Variants in EFCAB5 observed in about 807,000 individuals in gnomAD.
The protein encoded by EFCAB5 is EF-hand calcium-binding domain-containing protein 5.
Under a neutral mutation model 167.9 loss-of-function variants are expected in EFCAB5, and 131 were observed. The observed-to-expected ratio is 0.78, with a 90% CI of 0.68 to 0.90. The LOEUF (loss-of-function observed/expected upper bound fraction) is 0.90. EFCAB5 is among the 40% of genes least tolerant of loss of function. EFCAB5 has a pLI of 0.00. For missense variants in EFCAB5, 1,663 were observed against 1,745.2 expected (o/e 0.95, Z 0.84); for synonymous variants, 574 against 602.8 (o/e 0.95, Z 0.70).
chr17:30,091,883 T>A lies in EFCAB5; in HGVS notation c.3950T>A (p.Val1317Asp). 1 of 1,613,674 alleles carries A rather than the reference T, an allele frequency of 6.2e-7. No homozygotes were observed. Among genetic ancestry groups the A allele is most frequent in the Non-Finnish European group, 8.5e-7 (1 of 1,179,586 alleles). Residue 1317 changes from valine (V) to aspartate (D), a missense_variant, in exon 21 of 23, where the codon GTC becomes GAC. By Grantham distance (152) the Val-to-Asp change is radical. Transcript: ENST00000394835. ...TTTGTTATTCCAGAGATTGAAAATG[T>A]CAGGGAAGTCCAGCGGGCAGGAATT... ...KKKYILEIEN[V>D]REVQRAGILF...
At chr17:30,071,622 A>G (rs761393830) in intron 14 of EFCAB5, among the ~76,000 whole-genome samples, 1 of 152,178 alleles carries the variant, frequency 6.6e-6, no homozygotes. Flanking sequence ...CAGAACTACC[A>G]TATGATCTAA....
chr17:30,078,881 G>A (rs1394668706), intron 15 of EFCAB5, among the ~76,000 whole-genome samples: 1 of 152,210 alleles, frequency 6.6e-6, no homozygotes, highest in Non-Finnish European at 1.5e-5. Flanking sequence ...TATTTTGGGA[G>A]TCAGTTTTAA....
intron 1 of EFCAB5, among the ~76,000 whole-genome samples, chr17:29,930,766 C>T (rs1324496880): frequency 6.6e-6 from 1 of 152,004 alleles, no homozygotes. Context: ...CCGTTTGATA[C>T]CCTGGAAAGG....
intron 4 of EFCAB5, among the ~76,000 whole-genome samples, chr17:29,987,282 T>A (rs2068308248): frequency 6.6e-6 from 1 of 152,202 alleles, no homozygotes; most frequent in Non-Finnish European, 1.5e-5. Context: ...TCAGTCTTGA[T>A]ATGTCTGCAA....
At chr17:30,038,464 G>A (rs766352253) in intron 8 of EFCAB5, among the ~76,000 whole-genome samples, 9 of 152,132 alleles carry the variant, frequency 5.9e-5, no homozygotes, top group South Asian at 4.1e-4. Flanking sequence ...ATTGAGATGC[G>A]CCTGGTTAAC....
At chr17:30,064,108 T>A (rs1331724575) in intron 14 of EFCAB5, among the ~76,000 whole-genome samples, 1 of 151,958 alleles carries the variant, frequency 6.6e-6, no homozygotes, top group Non-Finnish European at 1.5e-5. Context: ...ACAAGAAACA[T>A]GATAAAGCAA....
At chr17:29,998,706 T>A (rs1195460524) in intron 6 of EFCAB5, among the ~76,000 whole-genome samples, 1 of 152,196 alleles carries the variant, frequency 6.6e-6, no homozygotes, top group African/African-American at 2.4e-5. Context: ...TAATTAGCAC[T>A]TACCAAATTC....
intron 7 of EFCAB5, among the ~76,000 whole-genome samples, chr17:30,025,611 C>T (rs889771727): frequency 1.1e-4 from 17 of 152,122 alleles, no homozygotes; most frequent in Non-Finnish European, 4.4e-5. Context: ...GTCAGTGTGG[C>T]GATTCCTCAG....
At chr17:30,021,465 T>C (rs1311785586) in intron 7 of EFCAB5, among the ~76,000 whole-genome samples, 1 of 148,222 alleles carries the variant, frequency 6.7e-6, no homozygotes, top group East Asian at 1.9e-4. Context: ...ATATATATAA[T>C]ACATGTATAT....
chr17:30,046,184 T>C (rs2069923294), intron 8 of EFCAB5, among the ~76,000 whole-genome samples: 1 of 152,234 alleles, frequency 6.6e-6, no homozygotes, highest in African/African-American at 2.4e-5. Flanking sequence ...TTTATCTGAG[T>C]GGCAAACATT....
chr17:30,064,058 A>G (rs9890886), intron 14 of EFCAB5, among the ~76,000 whole-genome samples: 92,876 of 152,026 alleles, frequency 0.61, 30,328 homozygotes, highest in African/African-American at 0.85. Context: ...ATTGGAAGAG[A>G]CAATTGTTCC....
chr17:30,019,447 C>CT (rs763717475), intron 7 of EFCAB5, among the ~76,000 whole-genome samples: 5,984 of 140,384 alleles, frequency 0.043, 260 homozygotes, highest in African/African-American at 0.12. Flanking sequence ...CTCCCTCTCT[C>CT]TTTTTTTTTT....
chr17:29,940,491 C>G (rs1319664807), upstream of EFCAB5, among the ~76,000 whole-genome samples: 1 of 152,110 alleles, frequency 6.6e-6, no homozygotes. Flanking sequence ...TGAGTGCATC[C>G]AAACCAAATA....
intron 3 of EFCAB5, among the ~76,000 whole-genome samples, chr17:29,964,582 C>T (rs138611040): frequency 1.4e-3 from 220 of 152,224 alleles, no homozygotes; most frequent in African/African-American, 5.1e-3. Flanking sequence ...TGTGAGCCAC[C>T]GCGCCCAGCT....
At chr17:30,026,658 C>T (rs928725776) in intron 7 of EFCAB5, among the ~76,000 whole-genome samples, 1 of 152,128 alleles carries the variant, frequency 6.6e-6, no homozygotes, top group Non-Finnish European at 1.5e-5. Flanking sequence ...AAGGTCCATA[C>T]AGAATTCTCT....
At chr17:29,938,666 C>T (rs2067265026), upstream of EFCAB5, among the ~76,000 whole-genome samples, 1 of 152,198 alleles carries the variant, frequency 6.6e-6, no homozygotes, top group Non-Finnish European at 1.5e-5. Flanking sequence ...GTGTCTTCAC[C>T]AGGAGTGATT....
chr17:29,999,902 A>G lies in EFCAB5; in HGVS notation c.974-4A>G. 7.0e-6 allele frequency: 11 copies of G among 1,573,912 alleles called. No individual in the cohort carries two copies. The highest frequency in any genetic ancestry group is 9.5e-6 in the Non-Finnish European group (11 of 1,157,560). ...CTAGCAAATAATCTTCATTCCATAA[A>G]TAGGATCACACTGCAAACAACTGGA... is the stretch of plus-strand genomic sequence containing the variant. On this transcript the variant is annotated splice_polypyrimidine_tract_variant and splice_region_variant and intron_variant, in intron 6 of 22. Transcript: ENST00000394835.
chr17:30,087,287 A>G (rs1490578620), intron 19 of EFCAB5, 121 bp downstream of exon 19: 1 of 689,662 alleles, frequency 1.4e-6, no homozygotes, highest in Non-Finnish European at 2.3e-6. Context: ...TTTCTTTTTA[A>G]TTTAATTTTA....
chr17:30,088,827 AGAATGT>A (rs1004986227), intron 19 of EFCAB5, among the ~76,000 whole-genome samples: 14 of 152,264 alleles, frequency 9.2e-5, no homozygotes, highest in South Asian at 4.1e-4. Context: ...GCCTCATGCC[AGAATGT>A]TGGTTCAATC....
Sources: gnomAD v4.1 joint callset for allele counts (sites outside exome capture counted in the v4.1 genomes callset) on GRCh38, gnomAD v4.1.1 for gene constraint, MANE v1.5 for transcripts, NCBI Gene and HGNC (gene_info 2026-07-23, HGNC 2026-07-21) for gene names.